Variants in PRKX observed in about 807,000 individuals in gnomAD.
PRKX encodes cAMP-dependent protein kinase catalytic subunit PRKX.
PRKX carries 12 observed loss-of-function variants against 22.0 expected under a neutral mutation model. That is an observed-to-expected ratio of 0.54 (90% CI 0.35 to 0.88). The LOEUF is 0.88. PRKX is among the 40% of genes least tolerant of loss of function. The pLI is 0.01. For synonymous variants in PRKX, 134 were observed against 137.7 expected (o/e 0.97, Z 0.19); for missense variants, 217 against 308.0 (o/e 0.70, Z 2.21).
chrX:3,690,562 T>A (rs1033159431), intron 1 of PRKX, among the ~76,000 whole-genome samples: 4 of 110,534 alleles, frequency 3.6e-5, no homozygotes, highest in African/African-American at 1.3e-4. Context: ...CAAAACCCCA[T>A]CTCTACTAAA....
intron 1 of PRKX, among the ~76,000 whole-genome samples, chrX:3,707,379 T>C (rs1190423157): frequency 9.0e-6 from 1 of 111,202 alleles, no homozygotes; most frequent in Non-Finnish European, 1.9e-5. Flanking sequence ...CCCAGGCACA[T>C]GAGGAGGGTT....
In PRKX at chrX:3,613,150, C is replaced by CAAAAAAAAAAAAAAA. The variant is rs528688936; in HGVS notation, c.952-840_952-826dup. 1.0e-3 allele frequency among the ~76,000 whole-genome samples: 55 copies of CAAAAAAAAAAAAAAA among 54,298 alleles called. 7 individuals are homozygous for CAAAAAAAAAAAAAAA. Among genetic ancestry groups the CAAAAAAAAAAAAAAA allele is most frequent in the Non-Finnish European group, 1.5e-3 (41 of 26,543 alleles). The allele number at this position is 54,298 out of a possible 115,157, so 47.2% of individuals were successfully genotyped here. The stretch of plus-strand genomic sequence containing the variant: ...TGGGCAACGGAGCAAGACTTCGTCT[C>CAAAAAAAAAAAAAAA]AAAAAAAAAAAAAAAAAAAAAAAAA... On this transcript the variant is annotated intron_variant, in intron 7 of 8. Transcript: ENST00000262848.
At chrX:3,701,517 G>C (rs1362823165) in intron 1 of PRKX, among the ~76,000 whole-genome samples, 1 of 112,326 alleles carries the variant, frequency 8.9e-6, no homozygotes, top group Non-Finnish European at 1.9e-5. Flanking sequence ...ATCCAAGCTG[G>C]ATTTTGCGAT....
intron 2 of PRKX, among the ~76,000 whole-genome samples, chrX:3,660,571 T>C (rs1246276337): frequency 8.9e-6 from 1 of 111,803 alleles, no homozygotes; most frequent in Non-Finnish European, 1.9e-5. Flanking sequence ...TCTACCTCAC[T>C]CTGGGATAAT....
intron 2 of PRKX, among the ~76,000 whole-genome samples, chrX:3,657,720 G>A (rs1023026551): frequency 7.2e-5 from 8 of 111,486 alleles, no homozygotes; most frequent in African/African-American, 2.6e-4. Flanking sequence ...GAAGTATTTC[G>A]AAGCACTTGC....
rs776731951 is a variant in PRKX at position 3,655,129 on chromosome X, G to T, written c.599+20C>A. On this transcript the variant is annotated intron_variant, in intron 3 of 8. Transcript: ENST00000262848. ...ATTGCCAAGCAGTGTAGATTCCATCGGAGTTCACGTTCCTCTTACCTGTCT... is the reference window on the plus strand; with the variant it reads ...ATTGCCAAGCAGTGTAGATTCCATCTGAGTTCACGTTCCTCTTACCTGTCT... The T allele has an allele frequency of 5.8e-6, 7 of 1,210,586 alleles. No individual in the cohort carries two copies. The highest frequency in any genetic ancestry group is 7.8e-6 in the Non-Finnish European group (7 of 894,725).
At chrX:3,654,999 C>G (rs991009545) in intron 3 of PRKX, 150 bp downstream of exon 3, 8 of 827,537 alleles carry the variant, frequency 9.7e-6, no homozygotes, top group African/African-American at 6.2e-5. Context: ...GTGGGTCAAC[C>G]TGGCTCTCTC....
chrX:3,689,793 C>T (rs753294178), intron 1 of PRKX, among the ~76,000 whole-genome samples: 332 of 111,409 alleles, frequency 3.0e-3, no homozygotes, highest in Middle Eastern at 0.014. Flanking sequence ...CTGGCTAACA[C>T]GGTGAAACCC....
chrX:3,657,766 A>C (rs1486439581), intron 2 of PRKX, among the ~76,000 whole-genome samples: 1 of 111,560 alleles, frequency 9.0e-6, no homozygotes, highest in Non-Finnish European at 1.9e-5. Context: ...CTCCTTACAA[A>C]GGTGTTGATT....
chrX:3,697,659 G>A (rs1039301451), intron 1 of PRKX, among the ~76,000 whole-genome samples: 2 of 109,708 alleles, frequency 1.8e-5, no homozygotes, highest in African/African-American at 3.3e-5. Flanking sequence ...ATCGTCCTGC[G>A]TCAGCCTCCT....
At chrX:3,707,131 A>G (rs188975753) in intron 1 of PRKX, among the ~76,000 whole-genome samples, 261 of 110,968 alleles carry the variant, frequency 2.4e-3, no homozygotes, top group Middle Eastern at 9.2e-3. Flanking sequence ...CTGTCTCTAA[A>G]CAAAAAAGCA....
intron 1 of PRKX, among the ~76,000 whole-genome samples, chrX:3,679,706 C>G (rs1484320476): frequency 8.9e-6 from 1 of 111,965 alleles, no homozygotes; most frequent in African/African-American, 3.2e-5. Context: ...CATTCTCATC[C>G]CAAATTTAGA....
At position 3,638,467 on chromosome X, in the gene PRKX, C is replaced by A. The variant is rs781362688; in HGVS notation, c.719+3385G>T. Among the ~76,000 whole-genome samples, 11 of 111,824 alleles carry A rather than the reference C, an allele frequency of 9.8e-5. No individual in the cohort carries two copies. In the East Asian group the frequency reaches 3.1e-3, roughly 31 times the overall value. On this transcript the variant is annotated intron_variant, in intron 4 of 8. Coordinates refer to ENST00000262848, the MANE Select transcript of PRKX (RefSeq NM_005044.5). ...AACGATCCTCAGGCAATGCTGCCCT[C>A]GTGTGGTCAGTGTTATCACCGAAGG...
chrX:3,654,816 C>A (rs746751043), intron 3 of PRKX, among the ~76,000 whole-genome samples: 2 of 110,587 alleles, frequency 1.8e-5, no homozygotes, highest in East Asian at 5.7e-4. Context: ...CTATTCGATG[C>A]AGATCTATTT....
At chrX:3,645,516 G>A (rs1369855053) in intron 3 of PRKX, among the ~76,000 whole-genome samples, 1 of 112,021 alleles carries the variant, frequency 8.9e-6, no homozygotes, top group Non-Finnish European at 1.9e-5. Context: ...TTAGGATGGG[G>A]AATAATTGCT....
At chrX:3,633,424 T>C (rs741423) in intron 4 of PRKX, among the ~76,000 whole-genome samples, 34,742 of 106,269 alleles carry the variant, frequency 0.33, 4,628 homozygotes, top group East Asian at 0.64. Context: ...ATTAGCCAGG[T>C]ACAGTGACGT....
chrX:3,612,643 G>A (rs1037448828), intron 7 of PRKX, among the ~76,000 whole-genome samples: 9 of 109,798 alleles, frequency 8.2e-5, no homozygotes, highest in Non-Finnish European at 1.7e-4. Context: ...ACAACTAGCC[G>A]GGTGTGGTGC....
chrX:3,652,868 G>C (rs1927365892), intron 3 of PRKX, among the ~76,000 whole-genome samples: 1 of 110,616 alleles, frequency 9.0e-6, no homozygotes, highest in African/African-American at 3.3e-5. Flanking sequence ...ATGCACAGAG[G>C]ACAATCCTGT....
At chrX:3,649,317 A>G (rs1433007181) in intron 3 of PRKX, among the ~76,000 whole-genome samples, 1 of 109,504 alleles carries the variant, frequency 9.1e-6, no homozygotes, top group Non-Finnish European at 1.9e-5. Context: ...TAAACACATC[A>G]GTATTTTATT....
Sources: allele counts gnomAD v4.1 joint callset (sites outside exome capture counted in the v4.1 genomes callset), GRCh38; gene constraint gnomAD v4.1.1; transcripts MANE v1.5; gene names NCBI Gene and HGNC (gene_info 2026-07-23, HGNC 2026-07-21).